The following RTL4 variants were observed in gnomAD, a reference collection of about 807,000 sequenced individuals.
RTL4 encodes retrotransposon Gag-like protein 4.
RTL4 carries 4 observed loss-of-function variants against 5.3 expected under a neutral mutation model. The ratio of observed to expected loss-of-function variants is 0.75; its 90% CI spans 0.37 to 1.72. The LOEUF (loss-of-function observed/expected upper bound fraction) is 1.72. Among genes scored for constraint, RTL4 ranks in the 40% most tolerant of loss-of-function variants. The pLI is 0.04. For missense variants in RTL4, 260 were observed against 227.1 expected, an observed-to-expected ratio of 1.14 and a Z score of -0.93; for synonymous variants, 98 against 87.3, an observed-to-expected ratio of 1.12 and a Z score of -0.68.
chrX:112,327,870 G>T, the RTL4 span, among the ~76,000 whole-genome samples: 1 of 110,964 alleles, frequency 9.0e-6, no homozygotes, highest in African/African-American at 3.3e-5. Context: ...TTAAAGAAAA[G>T]AATTTTCAAC....
the RTL4 span, among the ~76,000 whole-genome samples, chrX:112,318,503 C>A: frequency 5.0e-3 from 554 of 111,689 alleles, 1 homozygote; most frequent in African/African-American, 0.017. Context: ...CTTATATGTG[C>A]CTATTTTAAT....
At chrX:112,146,526 T>G in the RTL4 span, among the ~76,000 whole-genome samples, 2 of 110,812 alleles carry the variant, frequency 1.8e-5, no homozygotes, top group African/African-American at 6.6e-5. Flanking sequence ...AGTTAGACAG[T>G]TAGCATAGAA....
chrX:112,176,405 C>A, the RTL4 span, among the ~76,000 whole-genome samples: 2 of 111,568 alleles, frequency 1.8e-5, no homozygotes, highest in Non-Finnish European at 3.8e-5. Flanking sequence ...AACCAACTAG[C>A]TTTTCCGTGG....
At chrX:112,178,160 G>C in the RTL4 span, among the ~76,000 whole-genome samples, 1 of 111,103 alleles carries the variant, frequency 9.0e-6, no homozygotes, top group Non-Finnish European at 1.9e-5. Context: ...CTCCCCTTTT[G>C]ATGCCTGAGC....
At chrX:112,267,822 A>G in the RTL4 span, among the ~76,000 whole-genome samples, 2 of 110,157 alleles carry the variant, frequency 1.8e-5, no homozygotes, top group Non-Finnish European at 3.8e-5. Context: ...TCCAATTCAT[A>G]GGGGAAATTA....
At chrX:112,428,939 T>C in the RTL4 span, among the ~76,000 whole-genome samples, 1 of 111,676 alleles carries the variant, frequency 9.0e-6, no homozygotes, top group Admixed American at 9.6e-5. Flanking sequence ...CCCTGAAGTC[T>C]GCTGTGTCTT....
At chrX:112,284,302 A>G in the RTL4 span, among the ~76,000 whole-genome samples, 3 of 110,475 alleles carry the variant, frequency 2.7e-5, no homozygotes, top group Admixed American at 2.9e-4. Context: ...GAAAAAAAAA[A>G]GTATTATTTG....
chrX:112,380,706 C>A, the RTL4 span, among the ~76,000 whole-genome samples: 7 of 112,466 alleles, frequency 6.2e-5, no homozygotes, highest in Non-Finnish European at 1.3e-4. Context: ...CAGAAAGGAG[C>A]GGGTGAAGGG....
At chrX:112,159,013 T>C in the RTL4 span, among the ~76,000 whole-genome samples, 139 of 112,223 alleles carry the variant, frequency 1.2e-3, 1 homozygote, top group African/African-American at 4.3e-3. Context: ...TTTTACAAAC[T>C]TGTTAGAAAA....
chrX:112,446,290 T>C, the RTL4 span, among the ~76,000 whole-genome samples: 2 of 111,800 alleles, frequency 1.8e-5, no homozygotes, highest in South Asian at 3.7e-4. Context: ...GGCCCTGGGC[T>C]AATTTGAAAC....
the RTL4 span, among the ~76,000 whole-genome samples, chrX:112,358,366 G>A: frequency 1.0e-4 from 11 of 109,679 alleles, no homozygotes; most frequent in Non-Finnish European, 1.9e-4. Context: ...ACTTTCAACC[G>A]AAACTTGGAT....
the RTL4 span, among the ~76,000 whole-genome samples, chrX:112,296,230 T>A: frequency 1.8e-5 from 2 of 111,189 alleles, no homozygotes; most frequent in East Asian, 5.7e-4. Flanking sequence ...GACCTGAAGT[T>A]CACCAACCCT....
the RTL4 span, among the ~76,000 whole-genome samples, chrX:112,422,717 C>CT: frequency 3.6e-5 from 4 of 111,048 alleles, no homozygotes; most frequent in Admixed American, 1.9e-4. Context: ...ACTATAAACT[C>CT]TTAAGAGTCT....
chrX:112,397,106 C>T, the RTL4 span, among the ~76,000 whole-genome samples: 26 of 111,872 alleles, frequency 2.3e-4, no homozygotes, highest in Non-Finnish European at 4.3e-4. Context: ...TGCACAGCAC[C>T]TACTTAAGGT....
the RTL4 span, among the ~76,000 whole-genome samples, chrX:112,316,134 G>T: frequency 8.9e-6 from 1 of 111,763 alleles, no homozygotes; most frequent in Non-Finnish European, 1.9e-5. Flanking sequence ...ACTTTTGCCA[G>T]CCTGAAATGT....
chrX:112,366,033 T>TGCAAACACAAACA, the RTL4 span, among the ~76,000 whole-genome samples: 1 of 111,299 alleles, frequency 9.0e-6, no homozygotes, highest in Admixed American at 9.6e-5. Flanking sequence ...GAGCTGTGGC[T>TGCAAACACAAACA]TATAGTAGCC....
At chrX:112,450,224 T>C (rs776348716), upstream of RTL4, among the ~76,000 whole-genome samples, 2 of 112,358 alleles carry the variant, frequency 1.8e-5, no homozygotes, top group African/African-American at 6.5e-5. Flanking sequence ...GTAAAGTAGT[T>C]TTATGTTCGA....
the RTL4 span, among the ~76,000 whole-genome samples, chrX:112,208,054 C>G: frequency 9.0e-6 from 1 of 111,666 alleles, no homozygotes; most frequent in African/African-American, 3.3e-5. Context: ...AGAATAGGGA[C>G]TTGTGGCATT....
chrX:112,216,027 TC>T, the RTL4 span, among the ~76,000 whole-genome samples: 2 of 111,842 alleles, frequency 1.8e-5, no homozygotes, highest in Non-Finnish European at 3.8e-5. Context: ...TCAAATGTTT[TC>T]CTTTATGTTA....
Sources: gnomAD v4.1 joint callset for allele counts (sites outside exome capture counted in the v4.1 genomes callset) on GRCh38, gnomAD v4.1.1 for gene constraint, MANE v1.5 for transcripts, NCBI Gene and HGNC (gene_info 2026-07-23, HGNC 2026-07-21) for gene names.